The following IGF2BP3 variants were observed in gnomAD, a reference collection of about 807,000 sequenced individuals.
IGF2BP3 encodes the protein insulin-like growth factor 2 mRNA-binding protein 3.
IGF2BP3 carries 9 observed loss-of-function variants against 73.8 expected under a neutral mutation model. The observed-to-expected ratio is 0.12, with a 90% CI of 0.07 to 0.21. IGF2BP3 has a LOEUF of 0.21. Ranked by LOEUF, IGF2BP3 falls within the 10% of genes least tolerant of loss-of-function variation. The pLI, the probability that IGF2BP3 is intolerant of heterozygous loss-of-function variation, is 1.00. For missense variants in IGF2BP3, 542 were observed against 714.0 expected (o/e 0.76, Z 2.75); for synonymous variants, 258 against 256.7 (o/e 1.01, Z -0.05).
rs553859879 is a variant in IGF2BP3 at position 23,433,009 on chromosome 7, T to G, written c.237-14185A>C. ...ACACACGCAGTTGAACAGTTACTATTTAAATAAAAGCCTCACTGCCTGTAT... is the reference window on the plus strand; with the variant it reads ...ACACACGCAGTTGAACAGTTACTATGTAAATAAAAGCCTCACTGCCTGTAT... On this transcript the variant is annotated intron_variant, in intron 2 of 14. Coordinates refer to ENST00000258729, the MANE Select transcript of IGF2BP3 (RefSeq NM_006547.3). Among the ~76,000 whole-genome samples the G allele has an allele frequency of 8.5e-5, 13 of 152,334 alleles. No individual in the cohort carries two copies. In the South Asian group the frequency reaches 2.7e-3, roughly 32 times the overall value.
rs1486394484 is a variant in IGF2BP3 at position 23,311,411 on chromosome 7, CA to C, written c.*950del. 6.6e-6 allele frequency: 1 copy of C among 152,558 alleles called. No individual in the cohort carries two copies. The highest frequency in any genetic ancestry group is 1.5e-5 in the Non-Finnish European group (1 of 67,984). 9.5% of individuals were successfully genotyped at this position (152,558 alleles called of 1,614,324 possible). On this transcript the variant is annotated 3_prime_UTR_variant, in exon 15 of 15. Coordinates refer to ENST00000258729, the MANE Select transcript of IGF2BP3 (RefSeq NM_006547.3). ...TTATGCATTCAATCATGTAGCTAAA[CA>C]AAAAACTGAAGTCTCCTGAAGCCAT...
intron 2 of IGF2BP3, among the ~76,000 whole-genome samples, chr7:23,436,325 T>A (rs891537303): frequency 1.4e-4 from 21 of 152,350 alleles, no homozygotes; most frequent in Non-Finnish European, 2.9e-4. Context: ...GAATTAGGAA[T>A]GTAAAAAGCT....
chr7:23,353,128 T>C lies in IGF2BP3; in HGVS notation c.402-1542A>G, dbSNP rs553544699. ...CACTTCCCAGTGTCACTCAGGTTCTTTGCTCAGATTCTGTTCCAATGGCCC... is the reference window on the plus strand; with the variant it reads ...CACTTCCCAGTGTCACTCAGGTTCTCTGCTCAGATTCTGTTCCAATGGCCC... On this transcript the variant is annotated intron_variant, in intron 5 of 14. Transcript: ENST00000258729. Among the ~76,000 whole-genome samples, 13 of 152,316 alleles carry C rather than the reference T, an allele frequency of 8.5e-5. No homozygotes were observed. In the South Asian group the frequency reaches 2.5e-3, roughly 29 times the overall value.
chr7:23,406,960 T>C (rs552796471), intron 3 of IGF2BP3, among the ~76,000 whole-genome samples: 1 of 152,096 alleles, frequency 6.6e-6, no homozygotes, highest in Non-Finnish European at 1.5e-5. Flanking sequence ...CTCAAAATCA[T>C]GGAGACAGAG....
At chr7:23,355,996 T>C (rs961463540) in intron 5 of IGF2BP3, among the ~76,000 whole-genome samples, 4 of 149,242 alleles carry the variant, frequency 2.7e-5, no homozygotes, top group Non-Finnish European at 5.9e-5. Flanking sequence ...TGGGCCTCAA[T>C]AGAGACAATA....
At chr7:23,333,608 G>T (rs1158093776) in intron 10 of IGF2BP3, among the ~76,000 whole-genome samples, 1 of 152,132 alleles carries the variant, frequency 6.6e-6, no homozygotes, top group African/African-American at 2.4e-5. Flanking sequence ...GGGTCAAAAG[G>T]ACCAAAATGT....
chr7:23,397,264 T>C (rs998909626), intron 3 of IGF2BP3, among the ~76,000 whole-genome samples: 1 of 152,194 alleles, frequency 6.6e-6, no homozygotes, highest in African/African-American at 2.4e-5. Flanking sequence ...CGGCACATAG[T>C]AGGCACTCTG....
At chr7:23,402,082 G>A (rs963663751) in intron 3 of IGF2BP3, among the ~76,000 whole-genome samples, 4 of 151,626 alleles carry the variant, frequency 2.6e-5, no homozygotes, top group African/African-American at 4.8e-5. Context: ...GCACCACTGC[G>A]CTCCAGCCTG....
chr7:23,405,949 G>C (rs1488327626), intron 3 of IGF2BP3, among the ~76,000 whole-genome samples: 1 of 151,926 alleles, frequency 6.6e-6, no homozygotes. Context: ...CATGATGATG[G>C]AGCAATGGAA....
intron 3 of IGF2BP3, chr7:23,365,548 A>G (rs1785348154): frequency 6.6e-6 from 1 of 152,166 alleles, no homozygotes; most frequent in South Asian, 2.1e-4. Flanking sequence ...ATACAGGTAA[A>G]TTTTTTAACT....
intron 6 of IGF2BP3, among the ~76,000 whole-genome samples, chr7:23,350,506 C>A (rs2128504439): frequency 6.6e-6 from 1 of 152,092 alleles, no homozygotes. Flanking sequence ...TTCTTTGGGT[C>A]AAAAAATATC....
rs2268743 is a variant in IGF2BP3 at position 23,311,421 on chromosome 7, A to C, written c.*941T>G. ...AATCATGTAGCTAAACAAAAAACTG[A>C]AGTCTCCTGAAGCCATTTAAACCAG... is the stretch of plus-strand genomic sequence containing the variant. On this transcript the variant is annotated 3_prime_UTR_variant, in exon 15 of 15. Coordinates refer to ENST00000258729, the MANE Select transcript of IGF2BP3 (RefSeq NM_006547.3). The C allele has an allele frequency of 4.3e-4, 65 of 152,728 alleles. No homozygotes were observed. Among genetic ancestry groups the C allele is most frequent in the African/African-American group, 1.5e-3 (61 of 41,562 alleles). The allele number at this position is 152,728 out of a possible 1,614,324, so 9.5% of individuals were successfully genotyped here. A position where few individuals can be genotyped will look rare whatever the true frequency, so the allele number is the denominator to read the frequency against.
chr7:23,423,788 A>C (rs1021408078), intron 2 of IGF2BP3, among the ~76,000 whole-genome samples: 5 of 152,048 alleles, frequency 3.3e-5, no homozygotes, highest in South Asian at 2.1e-4. Context: ...AAAAACAAAA[A>C]CCCCAAAATA....
At chr7:23,361,308 AT>A (rs1460069904) in intron 5 of IGF2BP3, 1 of 457,556 alleles carries the variant, frequency 2.2e-6, no homozygotes, top group Non-Finnish European at 3.9e-6. Flanking sequence ...AGACCACTCT[AT>A]TATTGGCATT....
At chr7:23,406,391 C>T (rs1197478273) in intron 3 of IGF2BP3, among the ~76,000 whole-genome samples, 5 of 152,028 alleles carry the variant, frequency 3.3e-5, no homozygotes, top group African/African-American at 2.4e-5. Flanking sequence ...TTCTCGGTCT[C>T]GCTGACTTCA....
chr7:23,384,374 T>C (rs1440353900), intron 3 of IGF2BP3, among the ~76,000 whole-genome samples: 2 of 152,166 alleles, frequency 1.3e-5, no homozygotes, highest in Admixed American at 6.5e-5. Context: ...CTAAAATTAA[T>C]TGTGGTAGTA....
At chr7:23,352,167 C>T (rs1414580987) in intron 5 of IGF2BP3, among the ~76,000 whole-genome samples, 1 of 151,500 alleles carries the variant, frequency 6.6e-6, no homozygotes, top group Non-Finnish European at 1.5e-5. Flanking sequence ...CAGTCCCTGA[C>T]TTTGTGGTTT....
chr7:23,376,647 G>A (rs532851320), intron 3 of IGF2BP3, among the ~76,000 whole-genome samples: 5 of 151,980 alleles, frequency 3.3e-5, no homozygotes, highest in East Asian at 1.9e-4. Flanking sequence ...CAGGCGGATC[G>A]CTTGAGTCCA....
chr7:23,365,628 CGAA>C (rs1430234633), intron 3 of IGF2BP3: 1 of 152,094 alleles, frequency 6.6e-6, no homozygotes, highest in Non-Finnish European at 1.5e-5. Context: ...ATGGCTTCTA[CGAA>C]GAAGGGTTGT....
Sources: gnomAD v4.1 joint callset for allele counts (sites outside exome capture counted in the v4.1 genomes callset) on GRCh38, gnomAD v4.1.1 for gene constraint, MANE v1.5 for transcripts, NCBI Gene and HGNC (gene_info 2026-07-23, HGNC 2026-07-21) for gene names.